Variants in SLC2A13 observed in about 807,000 individuals in gnomAD.
The protein encoded by SLC2A13 is solute carrier family 2 member 13.
In SLC2A13, 32 loss-of-function variants were observed where a neutral mutation model predicts 64.4. The ratio of observed to expected loss-of-function variants is 0.50; its 90% CI spans 0.37 to 0.67. The LOEUF (loss-of-function observed/expected upper bound fraction) is 0.67, where lower values mean the gene tolerates loss of function less well. Among genes scored for constraint, SLC2A13 ranks in the 30% least tolerant of loss-of-function variants. The pLI, the probability that SLC2A13 is intolerant of heterozygous loss-of-function variation, is 0.00. For missense variants in SLC2A13, 743 were observed against 829.2 expected, an observed-to-expected ratio of 0.90 and a Z score of 1.28; for synonymous variants, 338 against 327.1, an observed-to-expected ratio of 1.03 and a Z score of -0.36.
At chr12:40,075,201 G>A (rs192326080) in intron 1 of SLC2A13, among the ~76,000 whole-genome samples, 5 of 152,290 alleles carry the variant, frequency 3.3e-5, no homozygotes, top group Admixed American at 2.6e-4. Context: ...ATTCATAAGA[G>A]TGGAAGACCC....
intron 4 of SLC2A13, among the ~76,000 whole-genome samples, chr12:39,882,916 T>A (rs921697683): frequency 2.0e-5 from 3 of 152,220 alleles, no homozygotes; most frequent in Non-Finnish European, 4.4e-5. Flanking sequence ...CATATTTCTA[T>A]AAACTCCCAA....
At chr12:39,926,890 C>T (rs961880248) in intron 4 of SLC2A13, among the ~76,000 whole-genome samples, 30 of 152,154 alleles carry the variant, frequency 2.0e-4, no homozygotes, top group African/African-American at 6.5e-4. Context: ...GTTGGGAAAA[C>T]GGACGTGAGC....
intron 6 of SLC2A13, among the ~76,000 whole-genome samples, chr12:39,854,338 A>C (rs1202282302): frequency 6.6e-6 from 1 of 152,152 alleles, no homozygotes; most frequent in Admixed American, 6.6e-5. Flanking sequence ...ATATTGTAAG[A>C]GCTTAGTTAA....
At chr12:39,905,338 A>C (rs1426416626) in intron 4 of SLC2A13, among the ~76,000 whole-genome samples, 1 of 152,096 alleles carries the variant, frequency 6.6e-6, no homozygotes, top group Non-Finnish European at 1.5e-5. Context: ...ACAGCCTGTA[A>C]TACTGCTCAT....
chr12:40,105,111 G>A lies in SLC2A13; in HGVS notation c.556+142C>T, dbSNP rs1461519928. 3.6e-6 allele frequency: 5 copies of A among 1,383,302 alleles called. No homozygotes were observed. The African/African-American group carries it at 6.1e-5, about 17-fold the overall frequency. 85.7% of individuals were successfully genotyped at this position (1,383,302 alleles called of 1,614,324 possible). A position where few individuals can be genotyped will look rare whatever the true frequency, so the allele number is the denominator to read the frequency against. On this transcript the variant is annotated intron_variant, in intron 1 of 9. Coordinates refer to ENST00000280871, the MANE Select transcript of SLC2A13 (RefSeq NM_052885.4). This position sits in a 1 kb window ranked among gnomAD's most constrained non-coding sequence, Gnocchi z 4.2. ...TGGAGGCTGGACCAACAAACAGATG[G>A]GCTCTGGAGGCCAGAGAAGTGGAGG...
At chr12:39,929,252 C>T (rs1408300528) in intron 4 of SLC2A13, among the ~76,000 whole-genome samples, 2 of 152,032 alleles carry the variant, frequency 1.3e-5, no homozygotes, top group African/African-American at 4.8e-5. Flanking sequence ...TGAAGTCAGC[C>T]TAAAAAGAAG....
intron 6 of SLC2A13, among the ~76,000 whole-genome samples, chr12:39,835,530 G>A (rs1378708547): frequency 6.6e-6 from 1 of 151,970 alleles, no homozygotes; most frequent in Non-Finnish European, 1.5e-5. Flanking sequence ...AAATAAAATG[G>A]AGTTCTCCTT....
intron 6 of SLC2A13, among the ~76,000 whole-genome samples, chr12:39,846,219 T>C (rs1387081965): frequency 1.3e-5 from 2 of 152,186 alleles, no homozygotes; most frequent in East Asian, 1.9e-4. Flanking sequence ...CTTTAAAGTA[T>C]ATCAACATAG....
At chr12:39,777,557 C>A (rs1238395458) in intron 7 of SLC2A13, among the ~76,000 whole-genome samples, 1 of 152,172 alleles carries the variant, frequency 6.6e-6, no homozygotes, top group Non-Finnish European at 1.5e-5. Flanking sequence ...TGTTTTCCTG[C>A]ACAAATGTTG....
intron 3 of SLC2A13, among the ~76,000 whole-genome samples, chr12:39,985,835 C>T (rs945029750): frequency 1.3e-5 from 2 of 152,028 alleles, no homozygotes; most frequent in Non-Finnish European, 2.9e-5. Context: ...CATATCATAC[C>T]TCCTTCAATA....
Position 39,792,961 on chromosome 12 carries a change from A to G in SLC2A13, c.1446-28103T>C, listed in dbSNP as rs543702260. On this transcript the variant is annotated intron_variant, in intron 7 of 9. Coordinates refer to ENST00000280871, the MANE Select transcript of SLC2A13 (RefSeq NM_052885.4). ...AAAGTTATGAACTTTAAGTAGGCAT[A>G]TATCTACATTTTCCTTTATGCCCTG... 2.2e-4 allele frequency among the ~76,000 whole-genome samples: 34 copies of G among 152,288 alleles called. 1 individual carries two copies. The South Asian group carries it at 5.0e-3, about 22-fold the overall frequency.
chr12:40,022,999 C>T (rs1048175950), intron 3 of SLC2A13, among the ~76,000 whole-genome samples: 2 of 152,142 alleles, frequency 1.3e-5, no homozygotes, highest in Admixed American at 6.5e-5. Flanking sequence ...CTGCTCTTTA[C>T]TGCCCTAAGG....
chr12:39,763,033 C>T lies in SLC2A13; in HGVS notation c.1720+1427G>A, dbSNP rs571432930. Among the ~76,000 whole-genome samples, 43 of 152,062 alleles carry T rather than the reference C, an allele frequency of 2.8e-4. No homozygotes were observed. In the South Asian group the frequency reaches 8.9e-3, roughly 32 times the overall value. ...TATGCCTTTCTATGAAAAATGCTTT[C>T]TCAGGATGCGAGCATATACTTAGGT... On this transcript the variant is annotated intron_variant, in intron 9 of 9. Coordinates refer to ENST00000280871, the MANE Select transcript of SLC2A13 (RefSeq NM_052885.4).
intron 4 of SLC2A13, among the ~76,000 whole-genome samples, chr12:39,935,377 C>T (rs1055347579): frequency 4.6e-5 from 7 of 152,220 alleles, no homozygotes; most frequent in Admixed American, 3.9e-4. Flanking sequence ...CTTCTCAAAG[C>T]TTGAATGTTG....
chr12:40,045,209 A>G (rs1948152839), intron 2 of SLC2A13, among the ~76,000 whole-genome samples: 2 of 152,130 alleles, frequency 1.3e-5, no homozygotes, highest in Non-Finnish European at 2.9e-5. Context: ...ATAAAAGCCA[A>G]AAAGGGAAAT....
chr12:40,098,634 T>TGG (rs1394914070), intron 1 of SLC2A13, among the ~76,000 whole-genome samples: 1 of 152,212 alleles, frequency 6.6e-6, no homozygotes, highest in Non-Finnish European at 1.5e-5. Context: ...GAGCACAGGC[T>TGG]GGGAAGCCAG....
intron 3 of SLC2A13, among the ~76,000 whole-genome samples, chr12:40,007,945 G>C (rs1040509690): frequency 6.6e-6 from 1 of 152,036 alleles, no homozygotes; most frequent in African/African-American, 2.4e-5. Flanking sequence ...AATATACAAT[G>C]GGTTTTACGG....
rs1264703849 is a variant in SLC2A13 at position 39,919,331 on chromosome 12, A to G, written c.1034+31926T>C. ...ATACCTCTACTGATTTTTAAAAAACACAGTATCTCAATATTGAAAAGATAA... is the reference window on the plus strand; with the variant it reads ...ATACCTCTACTGATTTTTAAAAAACGCAGTATCTCAATATTGAAAAGATAA... On this transcript the variant is annotated intron_variant, in intron 4 of 9. Transcript: ENST00000280871. Among the ~76,000 whole-genome samples, 4 of 152,158 alleles carry G rather than the reference A, an allele frequency of 2.6e-5. No homozygotes were observed. In the East Asian group the frequency reaches 7.7e-4, roughly 29 times the overall value.
intron 4 of SLC2A13, among the ~76,000 whole-genome samples, chr12:39,898,727 G>A (rs922838846): frequency 2.0e-5 from 3 of 152,110 alleles, no homozygotes; most frequent in Non-Finnish European, 4.4e-5. Context: ...TCTGGGGCAT[G>A]TGTTCATGGA....
Sources: allele counts gnomAD v4.1 joint callset (sites outside exome capture counted in the v4.1 genomes callset), GRCh38; gene constraint gnomAD v4.1.1; non-coding constraint Gnocchi (gnomAD v3.1); transcripts MANE v1.5; gene names NCBI Gene and HGNC (gene_info 2026-07-23, HGNC 2026-07-21).